The following PTPRD variants were observed in gnomAD, a reference collection of about 807,000 sequenced individuals.
PTPRD encodes the protein receptor-type tyrosine-protein phosphatase delta.
PTPRD carries 34 observed loss-of-function variants against 214.5 expected under a neutral mutation model. That is an observed-to-expected ratio of 0.16 (90% CI 0.12 to 0.21). The LOEUF is 0.21. PTPRD is among the 10% of genes least tolerant of loss of function. The probability of loss-of-function intolerance (pLI) is 1.00; values close to 1 mark genes in which losing one functional copy is unlikely to be tolerated. For synonymous variants in PTPRD, 1,128 were observed against 845.7 expected, an observed-to-expected ratio of 1.33 and a Z score of -5.79; for missense variants, 2,545 against 2,398.7, an observed-to-expected ratio of 1.06 and a Z score of -1.27.
chr9:8,569,166 C>G (rs1473542927), intron 14 of PTPRD, among the ~76,000 whole-genome samples: 5 of 152,154 alleles, frequency 3.3e-5, no homozygotes, highest in African/African-American at 9.6e-5. Flanking sequence ...TTTAGATACC[C>G]TCTAACAAGG....
At chr9:10,097,130 G>C (rs1233509824) in intron 3 of PTPRD, among the ~76,000 whole-genome samples, 3 of 146,532 alleles carry the variant, frequency 2.0e-5, no homozygotes, top group Non-Finnish European at 4.6e-5. Context: ...ATGCTGTTTT[G>C]GTTACTGTAG....
At chr9:9,564,162 GC>G (rs1555576985) in intron 8 of PTPRD, among the ~76,000 whole-genome samples, 1 of 152,120 alleles carries the variant, frequency 6.6e-6, no homozygotes, top group Non-Finnish European at 1.5e-5. Flanking sequence ...CACCAGCTGA[GC>G]TTTTTAAAGT....
At chr9:8,939,580 C>CACACAG (rs928174288) in intron 11 of PTPRD, among the ~76,000 whole-genome samples, 3 of 151,806 alleles carry the variant, frequency 2.0e-5, no homozygotes, top group African/African-American at 7.3e-5. Flanking sequence ...ATACATAACA[C>CACACAG]ACACACACAC....
At chr9:9,340,512 A>G (rs2137251390) in intron 9 of PTPRD, among the ~76,000 whole-genome samples, 1 of 152,358 alleles carries the variant, frequency 6.6e-6, no homozygotes, top group Admixed American at 6.5e-5. Context: ...CCTGAAATCC[A>G]TTATCCAAAG....
chr9:10,329,081 C>T (rs1165468753), intron 3 of PTPRD, among the ~76,000 whole-genome samples: 3 of 151,786 alleles, frequency 2.0e-5, no homozygotes, highest in Non-Finnish European at 4.4e-5. Flanking sequence ...CAGCTTAATA[C>T]ATTGGAAATT....
At chr9:9,543,076 A>G (rs1490964338) in intron 8 of PTPRD, among the ~76,000 whole-genome samples, 1 of 151,764 alleles carries the variant, frequency 6.6e-6, no homozygotes, top group Non-Finnish European at 1.5e-5. Flanking sequence ...ATACATGGAA[A>G]TAAACAAATT....
intron 5 of PTPRD, among the ~76,000 whole-genome samples, chr9:9,881,807 A>G (rs1224250759): frequency 6.6e-6 from 1 of 152,162 alleles, no homozygotes; most frequent in Non-Finnish European, 1.5e-5. Context: ...GTAAAAATAA[A>G]AAGGAGAAAC....
chr9:8,657,103 T>A (rs1231829661), intron 12 of PTPRD, among the ~76,000 whole-genome samples: 1 of 152,136 alleles, frequency 6.6e-6, no homozygotes, highest in Non-Finnish European at 1.5e-5. Context: ...TTTTCTTTCA[T>A]ATGTTTGTTG....
intron 2 of PTPRD, among the ~76,000 whole-genome samples, chr9:10,566,481 G>A (rs1236148662): frequency 1.3e-5 from 2 of 151,990 alleles, no homozygotes; most frequent in Non-Finnish European, 2.9e-5. Context: ...TAAAACTTAA[G>A]TAGATTTTCA....
At position 9,469,796 on chromosome 9, in the gene PTPRD, T is replaced by C. The variant is rs572818208; in HGVS notation, c.-236-72314A>G. Among the ~76,000 whole-genome samples, 31 of 152,308 alleles carry C rather than the reference T, an allele frequency of 2.0e-4. 1 individual carries two copies. In the Middle Eastern group the frequency reaches 0.034, roughly 167 times the overall value. ...GTTCTTATTATGCTTATATATTATA[T>C]GCAAATTGACTTGCTTATTTTGTAT... On this transcript the variant is annotated intron_variant, in intron 8 of 45. Transcript: ENST00000381196.
intron 9 of PTPRD, among the ~76,000 whole-genome samples, chr9:9,279,759 G>C (rs555415260): frequency 1.3e-5 from 2 of 150,900 alleles, no homozygotes; most frequent in South Asian, 4.1e-4. Context: ...CTACAAATAA[G>C]AGCATGCAAT....
intron 9 of PTPRD, among the ~76,000 whole-genome samples, chr9:9,301,165 A>G (rs1360927466): frequency 1.3e-5 from 2 of 151,836 alleles, no homozygotes; most frequent in Non-Finnish European, 2.9e-5. Flanking sequence ...TCCTCAGATG[A>G]CTAATTTTAC....
chr9:9,012,693 C>A (rs1186351618), intron 11 of PTPRD, among the ~76,000 whole-genome samples: 4 of 152,134 alleles, frequency 2.6e-5, no homozygotes, highest in Non-Finnish European at 4.4e-5. Flanking sequence ...TTATCAAGTT[C>A]TATCAATTAA....
chr9:8,757,298 A>G (rs1436066873), intron 11 of PTPRD, among the ~76,000 whole-genome samples: 1 of 152,218 alleles, frequency 6.6e-6, no homozygotes, highest in Non-Finnish European at 1.5e-5. Flanking sequence ...CAATTAGAAA[A>G]GCACGATAAT....
rs552407895 is a variant in PTPRD at position 9,426,997 on chromosome 9, A to C, written c.-236-29515T>G. On this transcript the variant is annotated intron_variant, in intron 8 of 45. Coordinates refer to ENST00000381196, the MANE Select transcript of PTPRD (RefSeq NM_002839.4). ...AGATGAAAAATCTAAAAATCAGAAC[A>C]CCTCTTCTCCTCCAAAGGAATGTAG... Among the ~76,000 whole-genome samples, 29 of 152,242 alleles carry C rather than the reference A, an allele frequency of 1.9e-4. No homozygotes were observed. The East Asian group carries it at 5.6e-3, about 29-fold the overall frequency.
chr9:10,594,919 G>C (rs1359077066), intron 2 of PTPRD, among the ~76,000 whole-genome samples: 2 of 151,980 alleles, frequency 1.3e-5, no homozygotes, highest in East Asian at 3.9e-4. Flanking sequence ...AGATAGAAGT[G>C]ATACAAATTT....
At chr9:8,693,296 G>T (rs571706744) in intron 12 of PTPRD, among the ~76,000 whole-genome samples, 1 of 152,198 alleles carries the variant, frequency 6.6e-6, no homozygotes, top group East Asian at 1.9e-4. Context: ...TGTCTCCTAT[G>T]GACTTGAAAG....
rs140909706 is a variant in PTPRD at position 10,337,852 on chromosome 9, A to G, written c.-545+3111T>C. The stretch of plus-strand genomic sequence containing the variant: ...GAACCCACAATTTTACCCGTATAAC[A>G]TTTTTTTCAGAATCCATGCTTTTGA... On this transcript the variant is annotated intron_variant, in intron 3 of 45. Transcript: ENST00000381196. Among the ~76,000 whole-genome samples, 322 of 151,650 alleles carry G rather than the reference A, an allele frequency of 2.1e-3. 12 individuals are homozygous for G. In the East Asian group the frequency reaches 0.057, roughly 27 times the overall value.
intron 21 of PTPRD, among the ~76,000 whole-genome samples, chr9:8,508,458 T>G (rs1240594063): frequency 6.6e-6 from 1 of 152,210 alleles, no homozygotes; most frequent in East Asian, 1.9e-4. Flanking sequence ...GTGCCTATGC[T>G]TTCCCAATTG....
Sources: gnomAD v4.1 joint callset for allele counts (sites outside exome capture counted in the v4.1 genomes callset) on GRCh38, gnomAD v4.1.1 for gene constraint, MANE v1.5 for transcripts, NCBI Gene and HGNC (gene_info 2026-07-23, HGNC 2026-07-21) for gene names.